Variants in RGS12 observed in about 807,000 individuals in gnomAD.
RGS12 encodes regulator of G protein signaling 12, also known as regulator of G-protein signaling 12.
A neutral mutation model predicts 120.1 loss-of-function variants in RGS12; 66 were observed. That is an observed-to-expected ratio of 0.55 (90% confidence interval 0.45 to 0.67). The LOEUF (loss-of-function observed/expected upper bound fraction) is 0.67. Among genes scored for constraint, RGS12 ranks in the 30% least tolerant of loss-of-function variants. RGS12 has a pLI of 0.00. For missense variants in RGS12, 1,859 were observed against 1,957.7 expected (o/e 0.95, Z 0.95); for synonymous variants, 827 against 804.7 (o/e 1.03, Z -0.47).
chr4:3,423,745 C>A, intron 13 of RGS12, 104 bp downstream of exon 13: 1 of 1,407,386 alleles, frequency 7.1e-7, no homozygotes, highest in Non-Finnish European at 9.6e-7. Flanking sequence ...GAAGCGGTGT[C>A]TTCCCCTGAT....
At chr4:3,403,659 A>T (rs1422262326) in intron 4 of RGS12, among the ~76,000 whole-genome samples, 3 of 152,202 alleles carry the variant, frequency 2.0e-5, no homozygotes, top group African/African-American at 7.2e-5. Flanking sequence ...TTTTGTTGAG[A>T]TGCAGAGCTG....
intron 6 of RGS12, among the ~76,000 whole-genome samples, chr4:3,415,587 G>C (rs1722295137): frequency 6.6e-6 from 1 of 152,188 alleles, no homozygotes; most frequent in South Asian, 2.1e-4. Flanking sequence ...CCTGGCTGCT[G>C]TTTCCTCAGT....
intron 2 of RGS12, among the ~76,000 whole-genome samples, chr4:3,323,540 C>A: frequency 6.6e-6 from 1 of 152,186 alleles, no homozygotes; most frequent in East Asian, 1.9e-4. Context: ...AAACAAATTT[C>A]TCATGTACAT....
intron 4 of RGS12, among the ~76,000 whole-genome samples, chr4:3,404,962 G>A (rs1036786496): frequency 2.0e-5 from 3 of 152,174 alleles, no homozygotes; most frequent in Non-Finnish European, 2.9e-5. Context: ...GAGGACACAT[G>A]AGCAGGATAC....
chr4:3,352,069 T>G (rs986942821), intron 3 of RGS12, among the ~76,000 whole-genome samples: 2 of 152,172 alleles, frequency 1.3e-5, no homozygotes, highest in Admixed American at 6.5e-5. Flanking sequence ...TCACAGAAAT[T>G]TTAAGCCAGG....
Position 3,293,073 on chromosome 4 carries a change from C to T in RGS12, c.-128C>T, listed in dbSNP as rs1218180292. 3 of 147,402 alleles carry T rather than the reference C, an allele frequency of 2.0e-5. No homozygotes were observed. Among genetic ancestry groups the T allele is most frequent in the Non-Finnish European group, 4.5e-5 (3 of 66,146 alleles). The allele number at this position is 147,402 out of a possible 1,614,324, so 9.1% of individuals were successfully genotyped here. The stretch of plus-strand genomic sequence containing the variant: ...GGGCGGTGGCGCGGGCCGAAGCGCC[C>T]GGAGCGGGAGCGAGCGGCGCGGCCC... On this transcript the variant is annotated 5_prime_UTR_variant, in exon 1 of 18. Transcript: ENST00000336727.
intron 1 of RGS12, among the ~76,000 whole-genome samples, chr4:3,305,988 A>G (rs1723950034): frequency 1.3e-5 from 2 of 152,152 alleles, no homozygotes; most frequent in Non-Finnish European, 2.9e-5. Flanking sequence ...TTCTAACTTT[A>G]TGGGCCTCCT....
In RGS12 at chr4:3,343,069, T is replaced by C; in HGVS notation, c.1998+16T>C. The C allele has an allele frequency of 6.4e-7, 1 of 1,565,102 alleles. No homozygotes were observed. ...TGATCTTGAGGTAATTTAATTTTCATTTTTCTTCTTTTCTCCTTCAAGTTT... is the reference window on the plus strand; with the variant it reads ...TGATCTTGAGGTAATTTAATTTTCACTTTTCTTCTTTTCTCCTTCAAGTTT... On this transcript the variant is annotated intron_variant, in intron 3 of 17. Coordinates refer to ENST00000336727, the MANE Select transcript of RGS12 (RefSeq NM_001394154.1).
chr4:3,424,663 G>T (rs961528844), intron 13 of RGS12, among the ~76,000 whole-genome samples: 4 of 152,360 alleles, frequency 2.6e-5, no homozygotes, highest in African/African-American at 9.6e-5. Flanking sequence ...TGTGAGCTGC[G>T]GCCCTCGGCT....
intron 17 of RGS12, chr4:3,431,311 C>A: frequency 1.8e-6 from 2 of 1,118,342 alleles, no homozygotes; most frequent in Non-Finnish European, 2.2e-6. Context: ...ATCTGGACAG[C>A]GATCGTTTTT....
intron 2 of RGS12, among the ~76,000 whole-genome samples, chr4:3,334,301 G>A (rs1013304297): frequency 6.6e-6 from 1 of 152,176 alleles, no homozygotes; most frequent in Non-Finnish European, 1.5e-5. Flanking sequence ...TTGAGATCAT[G>A]TTTCTGCCTT....
chr4:3,336,983 G>A (rs551356060), intron 2 of RGS12, among the ~76,000 whole-genome samples: 1 of 152,060 alleles, frequency 6.6e-6, no homozygotes, highest in South Asian at 2.1e-4. Flanking sequence ...GATCCAGTGT[G>A]AAACTGTGAA....
intron 13 of RGS12, among the ~76,000 whole-genome samples, chr4:3,424,776 C>T (rs892015914): frequency 6.6e-6 from 1 of 152,300 alleles, no homozygotes; most frequent in Middle Eastern, 3.4e-3. Flanking sequence ...AATTCTGTGG[C>T]CCCCTGTGTC....
At chr4:3,338,541 A>T (rs1255869575) in intron 2 of RGS12, among the ~76,000 whole-genome samples, 1 of 152,226 alleles carries the variant, frequency 6.6e-6, no homozygotes, top group Non-Finnish European at 1.5e-5. Flanking sequence ...GTAGCCAGGC[A>T]GGTTGATTGG....
At chr4:3,298,776 C>T (rs137992705) in intron 1 of RGS12, among the ~76,000 whole-genome samples, 28 of 152,260 alleles carry the variant, frequency 1.8e-4, no homozygotes, top group African/African-American at 5.5e-4. Context: ...TATTAAGTTT[C>T]GTGCATTTTA....
chr4:3,435,547 GC>G (rs1368209729), intron 17 of RGS12, among the ~76,000 whole-genome samples: 1 of 139,194 alleles, frequency 7.2e-6, no homozygotes, highest in East Asian at 2.2e-4. Context: ...TCTCCCTAGA[GC>G]CCCCTCTCTC....
chr4:3,415,390 C>T (rs772514949), intron 6 of RGS12, among the ~76,000 whole-genome samples: 3 of 152,180 alleles, frequency 2.0e-5, no homozygotes, highest in Non-Finnish European at 4.4e-5. Context: ...ACGCCCTCAG[C>T]CACAGCTTTC....
chr4:3,375,913 G>A (rs576503060), intron 3 of RGS12, among the ~76,000 whole-genome samples: 5 of 152,298 alleles, frequency 3.3e-5, no homozygotes, highest in African/African-American at 1.2e-4. Context: ...CACGAATGTC[G>A]GCCTGGATGC....
rs949824473 is a variant in RGS12, at chr4:3,392,337, C to T, written c.2020+5900C>T. On this transcript the variant is annotated intron_variant, in intron 4 of 17. Transcript: ENST00000336727. ...TATGATGAGTCTCAGGTTGGTTTTT[C>T]TGTGTCTGTTGTGTTTGGGATTTGT... Among the ~76,000 whole-genome samples, 3 of 152,134 alleles carry T rather than the reference C, an allele frequency of 2.0e-5. No individual in the cohort carries two copies. In the South Asian group the frequency reaches 6.2e-4, roughly 31 times the overall value.
Sources: gnomAD v4.1 joint callset for allele counts (sites outside exome capture counted in the v4.1 genomes callset) on GRCh38, gnomAD v4.1.1 for gene constraint, MANE v1.5 for transcripts, NCBI Gene and HGNC (gene_info 2026-07-23, HGNC 2026-07-21) for gene names.